Variants in PCCB observed in about 807,000 individuals in gnomAD.
The protein encoded by PCCB is propionyl-CoA carboxylase subunit beta.
A neutral mutation model predicts 60.7 loss-of-function variants in PCCB; 43 were observed. The ratio of observed to expected loss-of-function variants is 0.71; its 90% CI spans 0.55 to 0.91. The LOEUF (loss-of-function observed/expected upper bound fraction) is 0.91. Ranked by LOEUF, PCCB falls within the 40% of genes least tolerant of loss-of-function variation. The pLI, the probability that PCCB is intolerant of heterozygous loss-of-function variation, is 0.00. For missense variants in PCCB, 766 were observed against 702.8 expected, an observed-to-expected ratio of 1.09 and a Z score of -1.02; for synonymous variants, 276 against 255.9, an observed-to-expected ratio of 1.08 and a Z score of -0.75.
intron 9 of PCCB, among the ~76,000 whole-genome samples, chr3:136,303,866 A>G (rs988220706): frequency 8.2e-6 from 1 of 122,602 alleles, no homozygotes; most frequent in African/African-American, 2.5e-5. Context: ...GGCCCCACAA[A>G]GTGCTGGGAT....
At chr3:136,284,019 C>A in intron 6 of PCCB, 72 bp downstream of exon 6, 1 of 948,282 alleles carries the variant, frequency 1.1e-6, no homozygotes, top group Non-Finnish European at 1.7e-6. Context: ...AAAAATAATT[C>A]CTGACCCAGA....
At chr3:136,276,080 T>C (rs1047649946) in intron 5 of PCCB, among the ~76,000 whole-genome samples, 2 of 152,218 alleles carry the variant, frequency 1.3e-5, no homozygotes, top group Non-Finnish European at 2.9e-5. Context: ...CTGTATTTAA[T>C]AGATATGTAC....
At chr3:136,293,602 C>T (rs1933798917) in intron 6 of PCCB, among the ~76,000 whole-genome samples, 154 bp from the exon 7 acceptor site, 1 of 152,154 alleles carries the variant, frequency 6.6e-6, no homozygotes, top group South Asian at 2.1e-4. Context: ...AAACTTGGGT[C>T]TTTAGTTTGG....
intron 9 of PCCB, among the ~76,000 whole-genome samples, chr3:136,303,879 C>T (rs1187842372): frequency 1.6e-5 from 2 of 122,806 alleles, no homozygotes; most frequent in African/African-American, 2.5e-5. Context: ...GCTGGGATTA[C>T]AGGTGTGAGC....
intron 1 of PCCB, among the ~76,000 whole-genome samples, chr3:136,253,111 A>G (rs1165468486): frequency 2.6e-5 from 3 of 116,332 alleles, no homozygotes; most frequent in Non-Finnish European, 3.4e-5. Flanking sequence ...TTTTTTTAAG[A>G]TAGAGTCTTG....
At chr3:136,298,482 G>A (rs951235910) in intron 8 of PCCB, among the ~76,000 whole-genome samples, 1 of 152,048 alleles carries the variant, frequency 6.6e-6, no homozygotes, top group Non-Finnish European at 1.5e-5. Flanking sequence ...GACTATACCT[G>A]GCTTTTTTCT....
At chr3:136,325,495 T>C (rs1935272418) in intron 10 of PCCB, among the ~76,000 whole-genome samples, 1 of 151,692 alleles carries the variant, frequency 6.6e-6, no homozygotes, top group Non-Finnish European at 1.5e-5. Flanking sequence ...TAGCTGGGAG[T>C]ACAGGTGCCT....
intron 7 of PCCB, 43 bp from the exon 8 acceptor site, chr3:136,297,909 G>A (rs1348600814): frequency 6.2e-7 from 1 of 1,613,432 alleles, no homozygotes; most frequent in Non-Finnish European, 8.5e-7. Flanking sequence ...CTTTGGGCTG[G>A]CTGGTACCCT....
At chr3:136,311,026 C>T (rs1934642671) in intron 9 of PCCB, among the ~76,000 whole-genome samples, 1 of 152,042 alleles carries the variant, frequency 6.6e-6, no homozygotes, top group Non-Finnish European at 1.5e-5. Context: ...ATAGGATGCC[C>T]ATTATTCCCA....
intron 10 of PCCB, among the ~76,000 whole-genome samples, chr3:136,317,382 T>G (rs1934946261): frequency 6.6e-6 from 1 of 151,484 alleles, no homozygotes; most frequent in South Asian, 2.1e-4. Flanking sequence ...CCACCATACC[T>G]GACTAATTTT....
At chr3:136,255,517 G>A (rs1040845011) in intron 1 of PCCB, 2 of 330,686 alleles carry the variant, frequency 6.0e-6, no homozygotes, top group Non-Finnish European at 1.2e-5. Context: ...TTCTTTTTAT[G>A]GCTCCTTAGG....
chr3:136,272,951 C>T (rs1942239490), intron 5 of PCCB, among the ~76,000 whole-genome samples: 1 of 152,116 alleles, frequency 6.6e-6, no homozygotes, highest in African/African-American at 2.4e-5. Context: ...GATGTATGTA[C>T]TTAAAACTAT....
chr3:136,260,241 C>G, intron 3 of PCCB: 1 of 570,528 alleles, frequency 1.8e-6, no homozygotes, highest in Non-Finnish European at 3.2e-6. Context: ...GCGCAGCTAA[C>G]TTTTTTCTAT....
At chr3:136,290,559 C>G (rs1489291409) in intron 6 of PCCB, among the ~76,000 whole-genome samples, 3 of 150,624 alleles carry the variant, frequency 2.0e-5, no homozygotes, top group East Asian at 1.9e-4. Context: ...GGGGGTCTCC[C>G]TGTGTTTCCC....
At chr3:136,284,839 G>T (rs901873584) in intron 6 of PCCB, among the ~76,000 whole-genome samples, 2 of 152,142 alleles carry the variant, frequency 1.3e-5, no homozygotes, top group East Asian at 3.9e-4. Flanking sequence ...TGTAATCCCA[G>T]CACTTGGGAG....
At chr3:136,286,745 C>T (rs1161076858) in intron 6 of PCCB, among the ~76,000 whole-genome samples, 1 of 152,152 alleles carries the variant, frequency 6.6e-6, no homozygotes, top group Non-Finnish European at 1.5e-5. Flanking sequence ...TGACTGGTCT[C>T]CCTGCTTCTG....
chr3:136,324,019 CAT>C (rs1458590845), intron 10 of PCCB, among the ~76,000 whole-genome samples: 3 of 145,588 alleles, frequency 2.1e-5, no homozygotes, highest in Non-Finnish European at 4.5e-5. Flanking sequence ...TATTTAATGT[CAT>C]ATATGTTTGC....
chr3:136,266,969 A>G (rs2108155203), intron 5 of PCCB, among the ~76,000 whole-genome samples: 1 of 152,192 alleles, frequency 6.6e-6, no homozygotes, highest in Middle Eastern at 3.4e-3. Flanking sequence ...TGCAACCTCC[A>G]CTTCCTGGGT....
Position 136,254,901 on chromosome 3 carries a change from G to A in PCCB, c.184-955G>A, listed in dbSNP as rs1296744600. Among the ~76,000 whole-genome samples, 4 of 148,690 alleles carry A rather than the reference G, an allele frequency of 2.7e-5. No homozygotes were observed. The East Asian group carries it at 7.9e-4, about 29-fold the overall frequency. On this transcript the variant is annotated intron_variant, in intron 1 of 14. Coordinates refer to ENST00000251654, the MANE Select transcript of PCCB (RefSeq NM_000532.5). ...AGCTTTTTTTTTTTTTTGGGACGGA[G>A]TTTCACTTTGTTGCCCAGGCTGGAG... is the stretch of plus-strand genomic sequence containing the variant.
Sources: gnomAD v4.1 joint callset for allele counts (sites outside exome capture counted in the v4.1 genomes callset) on GRCh38, gnomAD v4.1.1 for gene constraint, MANE v1.5 for transcripts, NCBI Gene and HGNC (gene_info 2026-07-23, HGNC 2026-07-21) for gene names.